Variants in CSPG4 observed in about 807,000 individuals in gnomAD.
CSPG4 encodes the protein chondroitin sulfate proteoglycan 4 (melanoma-associated).
Under a neutral mutation model 139.3 loss-of-function variants are expected in CSPG4, and 74 were observed. The ratio of observed to expected loss-of-function variants is 0.53; its 90% CI spans 0.44 to 0.64. CSPG4 has a LOEUF of 0.64. Ranked by LOEUF, CSPG4 falls within the 30% of genes least tolerant of loss-of-function variation. The probability of loss-of-function intolerance (pLI) is 0.00; values close to 1 mark genes in which losing one functional copy is unlikely to be tolerated. For missense variants in CSPG4, 2,565 were observed against 3,148.3 expected (o/e 0.81, Z 4.43); for synonymous variants, 1,234 against 1,394.2 (o/e 0.89, Z 2.56).
upstream of CSPG4, chr15:75,712,855 G>A (rs1429780550): frequency 1.6e-5 from 16 of 1,010,688 alleles, no homozygotes; most frequent in Non-Finnish European, 2.1e-5. Flanking sequence ...GCGCGGGCCG[G>A]CTCCGGGTGT....
At position 75,689,214 on chromosome 15, in the gene CSPG4, G is replaced by A. The variant is rs768759741; in HGVS notation, c.1851C>T (p.Ser617=). The A allele has an allele frequency of 6.2e-7, 1 of 1,609,316 alleles. No individual in the cohort carries two copies. The highest frequency in any genetic ancestry group is 8.5e-7 in the Non-Finnish European group (1 of 1,178,996). The change falls in exon 3 of 10, where the codon TCC becomes TCT. Residue 617 remains serine (S), a synonymous_variant. Coordinates refer to ENST00000308508, the MANE Select transcript of CSPG4 (RefSeq NM_001897.5). ...GGCTGCCGGCCTCCAACTCCCGGCAGGAGAACTCGGTCGCCGGCTCCCCAG... is the reference window on the plus strand; with the variant it reads ...GGCTGCCGGCCTCCAACTCCCGGCAAGAGAACTCGGTCGCCGGCTCCCCAG... ...DQPGEPATEF[S]CRELEAGSLV... is the part of the protein sequence containing the mutation.
At chr15:75,682,820 G>A (rs936735709) in intron 6 of CSPG4, 23 bp downstream of exon 6, 30 of 1,605,554 alleles carry the variant, frequency 1.9e-5, no homozygotes, top group Non-Finnish European at 2.3e-5. Flanking sequence ...GCAGGAACCC[G>A]AGGCCCGGCC....
chr15:75,682,375 A>G lies in CSPG4; in HGVS notation c.4868T>C (p.Val1623Ala). 1 of 1,596,788 alleles carries G rather than the reference A, an allele frequency of 6.3e-7. No individual in the cohort carries two copies. Among genetic ancestry groups the G allele is most frequent in the Non-Finnish European group, 8.5e-7 (1 of 1,179,854 alleles). The change falls in exon 8 of 10, where the codon GTG becomes GCG. Residue 1623 changes from valine (V) to alanine (A), a missense_variant. Physicochemically the swap from Val to Ala is moderately conservative, Grantham distance 64. This residue lies in a region of CSPG4 where 2,316 missense variants were observed against 2,818.2 expected (regional missense o/e 0.82). Coordinates refer to ENST00000308508, the MANE Select transcript of CSPG4 (RefSeq NM_001897.5). ...CAGCCGGCCTAGCTGGGGGCCCCGC[A>G]CCACACGGTAGAGCAGGAGCTGGGG... ...TDPQLLLYRV[V>A]RGPQLGRLFH...
At chr15:75,686,702 G>T (rs1894064332) in intron 3 of CSPG4, among the ~76,000 whole-genome samples, 1 of 152,172 alleles carries the variant, frequency 6.6e-6, no homozygotes, top group Admixed American at 6.5e-5. Flanking sequence ...GACCAGAAGG[G>T]TCTCCGAAAT....
intron 1 of CSPG4, among the ~76,000 whole-genome samples, chr15:75,702,585 C>A (rs1894319963): frequency 6.6e-6 from 1 of 152,166 alleles, no homozygotes; most frequent in Non-Finnish European, 1.5e-5. Flanking sequence ...TGGGAGCTCG[C>A]CCCAGCCCTC....
chr15:75,677,422 T>C, intron 9 of CSPG4, 38 bp from the exon 10 acceptor site: 2 of 1,405,396 alleles, frequency 1.4e-6, no homozygotes, highest in Non-Finnish European at 1.9e-6. Flanking sequence ...TCCAGCCCAC[T>C]GAGGGGAGAG....
chr15:75,706,327 G>C (rs1449615545), intron 1 of CSPG4, among the ~76,000 whole-genome samples: 1 of 152,198 alleles, frequency 6.6e-6, no homozygotes, highest in Non-Finnish European at 1.5e-5. Context: ...GGTTTTCCCT[G>C]GGGCTGCTGG....
intron 2 of CSPG4, 151 bp from the exon 3 acceptor site, chr15:75,690,963 T>A (rs1292648191): frequency 1.2e-6 from 1 of 806,424 alleles, no homozygotes; most frequent in Admixed American, 3.1e-5. Flanking sequence ...TCACCTGAGG[T>A]TAGGAGTTTG....
At chr15:75,706,835 C>G (rs1276529236) in intron 1 of CSPG4, among the ~76,000 whole-genome samples, 1 of 151,992 alleles carries the variant, frequency 6.6e-6, no homozygotes, top group African/African-American at 2.4e-5. Context: ...GAGAGAAGGA[C>G]ATAGCACAGC....
At chr15:75,695,218 T>C (rs1174762598) in intron 1 of CSPG4, among the ~76,000 whole-genome samples, 1 of 152,106 alleles carries the variant, frequency 6.6e-6, no homozygotes, top group Non-Finnish European at 1.5e-5. Flanking sequence ...TAAAGGTATA[T>C]GTAGACCCGC....
In CSPG4 at chr15:75,676,870, C is replaced by T. The variant is rs1479172431; in HGVS notation, c.5649G>A (p.Leu1883=). 1 of 1,590,214 alleles carries T rather than the reference C, an allele frequency of 6.3e-7. No homozygotes were observed. Among genetic ancestry groups the T allele is most frequent in the Non-Finnish European group, 8.6e-7 (1 of 1,168,160 alleles). The change falls in exon 10 of 10, where the codon CTG becomes CTA. Residue 1883 remains leucine, a synonymous_variant. Transcript: ENST00000308508. ...TCACGGGCCCCAGGCCACCACCCAC[C>T]AGGCTGAGGAAGCCGTTGTGGGGTG... The part of the protein sequence containing the change: ...QRAPHNGFLS[L]VGGGLGPVTR...
In CSPG4 at chr15:75,676,798, C is replaced by G; in HGVS notation, c.5721G>C (p.Val1907=). 6.5e-7 allele frequency: 1 copy of G among 1,543,358 alleles called. No homozygotes were observed. The highest frequency in any genetic ancestry group is 8.7e-7 in the Non-Finnish European group (1 of 1,143,016). ...TGCCTGCCACGCTGCTCCCGTTGGC[C>G]ACGAAGGCCAGCCGCCCTGAATCCA... is the stretch of plus-strand genomic sequence containing the variant. ...ADVDSGRLAF[V]ANGSSVAGIF... is the part of the protein sequence containing the mutation. Residue 1907 remains valine, a synonymous_variant, in exon 10 of 10, where the codon GTG becomes GTC. Transcript: ENST00000308508.
intron 5 of CSPG4, among the ~76,000 whole-genome samples, chr15:75,683,331 G>A (rs1384024470): frequency 6.6e-6 from 1 of 152,182 alleles, no homozygotes; most frequent in Non-Finnish European, 1.5e-5. Flanking sequence ...TACCCAGGAA[G>A]GCCCCAGCTC....
At position 75,690,649 on chromosome 15, in the gene CSPG4, G is replaced by T. The variant is rs1181091436; in HGVS notation, c.416C>A (p.Pro139His). Reference sequence around the variant, plus strand: ...AAAGAGCCCATAGGGGACCTCTAGGGGGGCTCCTGGGACTGCTGAGGAGGC... The same window carrying T: ...AAAGAGCCCATAGGGGACCTCTAGGTGGGCTCCTGGGACTGCTGAGGAGGC... The part of the protein sequence containing the change: ...LNASSAVPGA[P>H]LEVPYGLFVG... The change falls in exon 3 of 10, where the codon CCC (proline) becomes CAC (histidine). Residue 139 changes from proline to histidine, a missense_variant. By Grantham distance (77) the Pro-to-His change is moderately conservative (BLOSUM62 -2). This residue lies in a region of CSPG4 where 132 missense variants were observed against 132.3 expected (regional missense o/e 1.00). Coordinates refer to ENST00000308508, the MANE Select transcript of CSPG4 (RefSeq NM_001897.5). 1.2e-6 allele frequency: 2 copies of T among 1,611,950 alleles called. No homozygotes were observed. The highest frequency in any genetic ancestry group is 1.7e-6 in the Non-Finnish European group (2 of 1,179,956).
intron 8 of CSPG4, among the ~76,000 whole-genome samples, 164 bp from the exon 9 acceptor site, chr15:75,678,050 CAATGCAGTGCAGAG>C (rs1893919404): frequency 6.6e-6 from 1 of 152,216 alleles, no homozygotes; most frequent in Admixed American, 6.5e-5. Flanking sequence ...TCACATCAGG[CAATGCAGTGCAGAG>C]CTGGGCTCTG....
Position 75,685,332 on chromosome 15 carries a change from A to G in CSPG4, c.4159T>C (p.Phe1387Leu). ...PPLLRVSGPY[F>L]PTLLGLSLQV... ...AGGCTGAGGCCCAGGAGAGTGGGGA[A>G]GTAGGGCCCGGAGACACGGAGCAGT... Residue 1387 changes from phenylalanine to leucine, a missense_variant, in exon 4 of 10, where the codon TTC becomes CTC. Phe to Leu is a conservative substitution (Grantham distance 22, BLOSUM62 0). Around this residue, in one of 5 missense-constraint regions of CSPG4, gnomAD observed 2,316 missense variants for 2,818.2 expected, o/e 0.82. Coordinates refer to ENST00000308508, the MANE Select transcript of CSPG4 (RefSeq NM_001897.5). 1 of 1,606,950 alleles carries G rather than the reference A, an allele frequency of 6.2e-7. No homozygotes were observed. Among genetic ancestry groups the G allele is most frequent in the Non-Finnish European group, 8.5e-7 (1 of 1,176,390 alleles).
intron 5 of CSPG4, 121 bp downstream of exon 5, chr15:75,684,615 G>A (rs1473069372): frequency 3.2e-5 from 28 of 872,318 alleles, no homozygotes; most frequent in African/African-American, 1.3e-4. Context: ...ATGTGGCAGC[G>A]TCCCCATTTT....
At position 75,696,519 on chromosome 15, in the gene CSPG4, C is replaced by T. The variant is rs984711560; in HGVS notation, c.89-3286G>A. Among the ~76,000 whole-genome samples, 1 of 151,898 alleles carries T rather than the reference C, an allele frequency of 6.6e-6. No homozygotes were observed. The highest frequency in any genetic ancestry group is 2.1e-4 in the South Asian group (1 of 4,810). ...GGCTGTGTGTTTGTGTGTGTGTGCG[C>T]GTGTGTGGGCCGGGAGCTGCCAGGA... On this transcript the variant is annotated intron_variant, in intron 1 of 9. Transcript: ENST00000308508. The surrounding 1 kb of genome is among the most constrained non-coding windows in gnomAD (Gnocchi z 4.2).
Position 75,687,213 on chromosome 15 carries a change from T to C in CSPG4, c.3789+63A>G, listed in dbSNP as rs950351772. The C allele has an allele frequency of 2.5e-6, 4 of 1,586,958 alleles. No homozygotes were observed. Among genetic ancestry groups the C allele is most frequent in the Middle Eastern group, 2.3e-4 (1 of 4,422 alleles). On this transcript the variant is annotated intron_variant, in intron 3 of 9. Transcript: ENST00000308508. This position sits in a 1 kb window ranked among gnomAD's most constrained non-coding sequence, Gnocchi z 5.4. ...GCCCAAGTCACGTGTGTTCCTGGCATGGAGGCTGGGAGAAGGCCCTCTACC... is the reference window on the plus strand; with the variant it reads ...GCCCAAGTCACGTGTGTTCCTGGCACGGAGGCTGGGAGAAGGCCCTCTACC...
Sources: gnomAD v4.1 joint callset for allele counts (sites outside exome capture counted in the v4.1 genomes callset) on GRCh38, gnomAD v4.1.1 for gene constraint, gnomAD v4.1.1 regional missense constraint, Gnocchi (gnomAD v3.1) non-coding constraint, MANE v1.5 for transcripts, NCBI Gene and HGNC (gene_info 2026-07-23, HGNC 2026-07-21) for gene names.